The following FHL2 variants were observed in gnomAD, a reference collection of about 807,000 sequenced individuals.
FHL2 encodes four and a half LIM domains protein 2.
FHL2 carries 20 observed loss-of-function variants against 32.7 expected under a neutral mutation model. The observed-to-expected ratio is 0.61, with a 90% CI of 0.43 to 0.89. The LOEUF is 0.89. Among genes scored for constraint, FHL2 ranks in the 40% least tolerant of loss-of-function variants. The pLI, the probability that FHL2 is intolerant of heterozygous loss-of-function variation, is 0.00. For missense variants in FHL2, 311 were observed against 358.6 expected, an observed-to-expected ratio of 0.87 and a Z score of 1.07; for synonymous variants, 123 against 128.1, an observed-to-expected ratio of 0.96 and a Z score of 0.27.
rs72945089 is a variant in FHL2 at position 105,428,831 on chromosome 2, C to T, written c.-25+9568G>A. Among the ~76,000 whole-genome samples the T allele has an allele frequency of 6.8e-3, 1,029 of 152,338 alleles. 10 individuals are homozygous for T. The highest frequency in any genetic ancestry group is 0.022 in the African/African-American group (935 of 41,580). On this transcript the variant is annotated intron_variant, in intron 1 of 5. Coordinates refer to the FHL2 transcript ENST00000393352. The stretch of plus-strand genomic sequence containing the variant: ...CTTCCAGGTCTGCCCTTGGCGGCTG[C>T]TCTGTACTCTGTACAGACACCCTGT...
In FHL2 at chr2:105,363,325, C is replaced by G; in HGVS notation, c.648G>C (p.Leu216Phe). 1 of 1,614,198 alleles carries G rather than the reference C, an allele frequency of 6.2e-7. No individual in the cohort carries two copies. Among genetic ancestry groups the G allele is most frequent in the African/African-American group, 1.3e-5 (1 of 75,048 alleles). Residue 216 changes from leucine (L) to phenylalanine (F), a missense_variant, in exon 6 of 7, where the codon TTG becomes TTC. By Grantham distance (22) the Leu-to-Phe change is conservative. Coordinates refer to ENST00000530340, the MANE Select transcript of FHL2 (RefSeq NM_001318895.3). ...TGCACCCAGCACACTTCTTGGCATA[C>G]AAGTCACAGAAGCAGTTCAGGCAGT... The part of the protein sequence containing the change: ...FAYCLNCFCD[L>F]YAKKCAGCTN...
At position 105,361,173 on chromosome 2, in the gene FHL2, G is replaced by C. The variant is rs1297009989; in HGVS notation, c.*110C>G. On this transcript the variant is annotated 3_prime_UTR_variant, in exon 7 of 7. Coordinates refer to ENST00000530340, the MANE Select transcript of FHL2 (RefSeq NM_001318895.3). ...TGAGTATCACTGAAAAGCACTAGAA[G>C]AAAGTCTCAATGTGGCTGGAAGAAA... 2 of 1,112,534 alleles carry C rather than the reference G, an allele frequency of 1.8e-6. No individual in the cohort carries two copies. Among genetic ancestry groups the C allele is most frequent in the Non-Finnish European group, 2.6e-6 (2 of 763,722 alleles). The allele number at this position is 1,112,534 out of a possible 1,614,324, so 68.9% of individuals were successfully genotyped here.
intron 1 of FHL2, among the ~76,000 whole-genome samples, chr2:105,410,148 A>ATCAGAT (rs776522073): frequency 1.4e-4 from 22 of 152,340 alleles, no homozygotes; most frequent in Non-Finnish European, 2.6e-4. Context: ...CCAACCCAGA[A>ATCAGAT]TCAGATTCAG....
chr2:105,384,049 A>G (rs1682112157), intron 3 of FHL2, among the ~76,000 whole-genome samples: 1 of 152,174 alleles, frequency 6.6e-6, no homozygotes, highest in Non-Finnish European at 1.5e-5. Context: ...ACGGCTTTTA[A>G]GGGTCTTTCC....
At chr2:105,364,495 C>G (rs145637010) in intron 5 of FHL2, among the ~76,000 whole-genome samples, 142 of 152,336 alleles carry the variant, frequency 9.3e-4, no homozygotes, top group African/African-American at 3.2e-3. Flanking sequence ...TGAGGTGAAG[C>G]TGCAAAGCCA....
intron 4 of FHL2, among the ~76,000 whole-genome samples, chr2:105,369,796 C>T (rs1420924041): frequency 1.3e-5 from 2 of 152,210 alleles, no homozygotes; most frequent in Non-Finnish European, 2.9e-5. Flanking sequence ...AATTATGACT[C>T]TCATGGCATT....
intron 3 of FHL2, chr2:105,378,380 C>T (rs1681633752): frequency 2.8e-6 from 1 of 351,518 alleles, no homozygotes; most frequent in South Asian, 2.2e-5. Flanking sequence ...CGGATCCCAC[C>T]TCGCAAGGTG....
intron 1 of FHL2, among the ~76,000 whole-genome samples, chr2:105,434,777 T>C (rs973420847): frequency 6.6e-6 from 1 of 152,052 alleles, no homozygotes; most frequent in Non-Finnish European, 1.5e-5. Flanking sequence ...TTCAATAAAT[T>C]TCAACTTTTT....
At chr2:105,410,397 T>C (rs1683756351) in intron 1 of FHL2, among the ~76,000 whole-genome samples, 1 of 152,172 alleles carries the variant, frequency 6.6e-6, no homozygotes, top group Admixed American at 6.5e-5. Flanking sequence ...TCCATGACCA[T>C]TCTATTGGCA....
At chr2:105,390,829 C>A in intron 2 of FHL2, among the ~76,000 whole-genome samples, 1 of 147,172 alleles carries the variant, frequency 6.8e-6, no homozygotes. Context: ...CAGAGTCTTG[C>A]TGTGTCACCC....
chr2:105,363,481 C>T lies in FHL2; in HGVS notation c.502-10G>A, dbSNP rs779913648. On this transcript the variant is annotated splice_polypyrimidine_tract_variant and intron_variant, in intron 5 of 6. Transcript: ENST00000530340. Reference sequence around the variant, plus strand: ...CTCCCGTGGTGATGGGCTGCAGGGACGAGGGGGAGAGTTAGTGTGGCCTCT... The same window carrying T: ...CTCCCGTGGTGATGGGCTGCAGGGATGAGGGGGAGAGTTAGTGTGGCCTCT... The T allele has an allele frequency of 8.8e-6, 14 of 1,597,942 alleles. No homozygotes were observed. The highest frequency in any genetic ancestry group is 2.3e-5 in the South Asian group (2 of 88,488).
intron 3 of FHL2, chr2:105,375,313 T>C (rs1681392424): frequency 6.6e-6 from 1 of 152,248 alleles, no homozygotes; most frequent in Non-Finnish European, 1.5e-5. Context: ...CAGTCATGAC[T>C]ATGGCCTTTG....
intron 1 of FHL2, among the ~76,000 whole-genome samples, chr2:105,425,973 C>T (rs533316062): frequency 6.6e-6 from 1 of 152,280 alleles, no homozygotes; most frequent in African/African-American, 2.4e-5. Context: ...TATACTTTGT[C>T]TCTCTGTCTT....
intron 5 of FHL2, among the ~76,000 whole-genome samples, chr2:105,365,020 T>C (rs1680530928): frequency 6.6e-6 from 1 of 152,214 alleles, no homozygotes; most frequent in Non-Finnish European, 1.5e-5. Flanking sequence ...CAGTAGCCTG[T>C]GTGTGTAAGA....
intron 2 of FHL2, among the ~76,000 whole-genome samples, chr2:105,390,526 A>G (rs865880804): frequency 1.8e-4 from 28 of 152,268 alleles, no homozygotes; most frequent in Middle Eastern, 3.4e-3. Flanking sequence ...TTCTAAGAGG[A>G]CACTAGAGTT....
chr2:105,412,881 A>G (rs935920259), intron 1 of FHL2, among the ~76,000 whole-genome samples: 2 of 152,204 alleles, frequency 1.3e-5, no homozygotes, highest in African/African-American at 4.8e-5. Context: ...TGATGGGGAC[A>G]GAAGCACATT....
chr2:105,391,022 G>T (rs1289331350), intron 2 of FHL2, among the ~76,000 whole-genome samples: 1 of 151,448 alleles, frequency 6.6e-6, no homozygotes, highest in Non-Finnish European at 1.5e-5. Context: ...TAGTAGAGAC[G>T]GAGTTTCACC....
rs890907386 is a variant in FHL2 at position 105,361,146 on chromosome 2, C to T, written c.*137G>A. ...CAAAGCACTAAAGGGTTTAAGCAAA[C>T]GTGAGTATCACTGAAAAGCACTAGA... On this transcript the variant is annotated 3_prime_UTR_variant, in exon 7 of 7. Transcript: ENST00000530340. 3.6e-5 allele frequency: 31 copies of T among 866,466 alleles called. No individual in the cohort carries two copies. The highest frequency in any genetic ancestry group is 6.7e-5 in the African/African-American group (4 of 59,786). The allele number at this position is 866,466 out of a possible 1,614,324, so 53.7% of individuals were successfully genotyped here.
chr2:105,407,169 G>A (rs547310111), intron 1 of FHL2, among the ~76,000 whole-genome samples: 2 of 152,270 alleles, frequency 1.3e-5, no homozygotes, highest in South Asian at 4.2e-4. Flanking sequence ...AAGGTGGGTG[G>A]ATCACAAGGT....
Sources: gnomAD v4.1 joint callset for allele counts (sites outside exome capture counted in the v4.1 genomes callset) on GRCh38, gnomAD v4.1.1 for gene constraint, MANE v1.5 for transcripts, NCBI Gene and HGNC (gene_info 2026-07-23, HGNC 2026-07-21) for gene names.